Variants in ABTB3 observed in about 807,000 individuals in gnomAD.
The protein encoded by ABTB3 is ankyrin repeat and BTB domain containing 3, also known as ankyrin repeat- and BTB/POZ domain-containing protein 3.
chr12:107,617,389 C>A, the ABTB3 span: 1 of 1,614,164 alleles, frequency 6.2e-7, no homozygotes, highest in South Asian at 1.1e-5. Flanking sequence ...CTACAACCCC[C>A]CAGGGTGATA....
chr12:107,474,781 C>T, the ABTB3 span, among the ~76,000 whole-genome samples: 1 of 151,986 alleles, frequency 6.6e-6, no homozygotes, highest in Non-Finnish European at 1.5e-5. Flanking sequence ...GCAGCAGATG[C>T]CCTGCAGAGT....
At chr12:107,547,079 A>G in the ABTB3 span, among the ~76,000 whole-genome samples, 1 of 152,052 alleles carries the variant, frequency 6.6e-6, no homozygotes, top group Non-Finnish European at 1.5e-5. Flanking sequence ...CTGTAGTCCC[A>G]GCTACTTAGG....
chr12:107,640,370 C>T, the ABTB3 span: 3 of 1,600,334 alleles, frequency 1.9e-6, no homozygotes, highest in East Asian at 2.2e-5. Flanking sequence ...AGAAGGAAGA[C>T]CATTTTATGC....
the ABTB3 span, among the ~76,000 whole-genome samples, chr12:107,543,016 T>C: frequency 6.6e-6 from 1 of 152,136 alleles, no homozygotes; most frequent in African/African-American, 2.4e-5. Flanking sequence ...AAGGGTGAAC[T>C]GTACACTGTT....
chr12:107,612,727 ACCACAG>A, the ABTB3 span: 18 of 1,504,656 alleles, frequency 1.2e-5, no homozygotes, highest in Middle Eastern at 1.7e-4. Context: ...TTGTCGATTG[ACCACAG>A]CCACCTTGTA....
chr12:107,642,286 A>T, the ABTB3 span: 1 of 910,176 alleles, frequency 1.1e-6, no homozygotes, highest in Non-Finnish European at 1.8e-6. Flanking sequence ...ATGAGCTGTC[A>T]GTCTCCTGAA....
the ABTB3 span, among the ~76,000 whole-genome samples, chr12:107,368,243 GAGCAA>G: frequency 6.6e-6 from 1 of 152,202 alleles, no homozygotes; most frequent in East Asian, 1.9e-4. Context: ...GCAGAGAGAT[GAGCAA>G]GTAGCAAATC....
chr12:107,364,686 T>C, the ABTB3 span, among the ~76,000 whole-genome samples: 1 of 152,092 alleles, frequency 6.6e-6, no homozygotes, highest in Admixed American at 6.6e-5. Context: ...GGTGCATGAA[T>C]TCGTGTTGAT....
At chr12:107,586,516 C>T in the ABTB3 span, among the ~76,000 whole-genome samples, 1 of 152,178 alleles carries the variant, frequency 6.6e-6, no homozygotes, top group African/African-American at 2.4e-5. Context: ...ACCCCTTCTT[C>T]ACCTCCAGCA....
the ABTB3 span, among the ~76,000 whole-genome samples, chr12:107,490,199 G>A: frequency 3.9e-5 from 6 of 152,044 alleles, no homozygotes; most frequent in African/African-American, 1.5e-4. Flanking sequence ...CCACTCCACC[G>A]CCCAGGTTCC....
At chr12:107,546,222 C>A in the ABTB3 span, among the ~76,000 whole-genome samples, 1 of 152,206 alleles carries the variant, frequency 6.6e-6, no homozygotes, top group African/African-American at 2.4e-5. Flanking sequence ...AGTAGGAGGT[C>A]CACAAATATT....
the ABTB3 span, among the ~76,000 whole-genome samples, chr12:107,425,567 G>A: frequency 2.0e-5 from 3 of 152,154 alleles, no homozygotes; most frequent in African/African-American, 7.2e-5. Flanking sequence ...TGTATTATAT[G>A]AATTTTGCCT....
the ABTB3 span, among the ~76,000 whole-genome samples, chr12:107,329,012 G>A: frequency 3.6e-3 from 542 of 152,154 alleles, 4 homozygotes; most frequent in African/African-American, 0.012. Flanking sequence ...AGATCACAGC[G>A]TAGCCTCCTC....
chr12:107,325,710 A>C, the ABTB3 span, among the ~76,000 whole-genome samples: 1 of 152,186 alleles, frequency 6.6e-6, no homozygotes, highest in Non-Finnish European at 1.5e-5. Flanking sequence ...CAAACTCATT[A>C]TTACCAGACT....
At chr12:107,654,832 A>ACACG in the ABTB3 span, among the ~76,000 whole-genome samples, 5 of 147,460 alleles carry the variant, frequency 3.4e-5, no homozygotes, top group African/African-American at 1.3e-4. Flanking sequence ...ACACACACAC[A>ACACG]CACACACACA....
At chr12:107,562,971 T>C in the ABTB3 span, among the ~76,000 whole-genome samples, 3 of 152,308 alleles carry the variant, frequency 2.0e-5, no homozygotes, top group East Asian at 1.9e-4. Context: ...AAGAGGAATA[T>C]GGTCCTAACG....
chr12:107,569,696 G>C, the ABTB3 span, among the ~76,000 whole-genome samples: 843 of 152,318 alleles, frequency 5.5e-3, 12 homozygotes, highest in African/African-American at 0.019. Context: ...AGTGTTATAG[G>C]AACTGATACA....
the ABTB3 span, among the ~76,000 whole-genome samples, chr12:107,352,547 A>G: frequency 2.2e-4 from 34 of 152,038 alleles, no homozygotes; most frequent in Non-Finnish European, 4.4e-4. Flanking sequence ...GTCTTGCACA[A>G]GAGTGTCCAA....
At chr12:107,490,463 CTCT>C in the ABTB3 span, among the ~76,000 whole-genome samples, 11 of 152,218 alleles carry the variant, frequency 7.2e-5, no homozygotes, top group African/African-American at 2.7e-4. Flanking sequence ...ATAGTACTGC[CTCT>C]GGACTTCTTA....
Sources: allele counts gnomAD v4.1 joint callset (sites outside exome capture counted in the v4.1 genomes callset), GRCh38; gene constraint gnomAD v4.1.1; transcripts MANE v1.5; gene names NCBI Gene and HGNC (gene_info 2026-07-23, HGNC 2026-07-21).